Variants in MTMR9 observed in about 807,000 individuals in gnomAD.
MTMR9 encodes myotubularin-related protein 9.
In MTMR9, 39 loss-of-function variants were observed where a neutral mutation model predicts 69.5. That is an observed-to-expected ratio of 0.56 (90% CI 0.43 to 0.73). The LOEUF (loss-of-function observed/expected upper bound fraction) is 0.73, where lower values mean the gene tolerates loss of function less well. Among genes scored for constraint, MTMR9 ranks in the 30% least tolerant of loss-of-function variants. The pLI is 0.00. For synonymous variants in MTMR9, 354 were observed against 240.8 expected (o/e 1.47, Z -4.35); for missense variants, 900 against 671.2 (o/e 1.34, Z -3.77).
At chr8:11,308,435 A>C (rs1800056303) in intron 5 of MTMR9, among the ~76,000 whole-genome samples, 1 of 152,146 alleles carries the variant, frequency 6.6e-6, no homozygotes, top group Non-Finnish European at 1.5e-5. Context: ...TGATTACTTT[A>C]GCTTTGTAGC....
At chr8:11,329,507 G>T (rs1801108168), downstream of MTMR9, among the ~76,000 whole-genome samples, 1 of 152,254 alleles carries the variant, frequency 6.6e-6, no homozygotes, top group Non-Finnish European at 1.5e-5. Context: ...GTGGAGACAG[G>T]GTTTCGCTGT....
intron 9 of MTMR9, chr8:11,321,527 G>A (rs1800690667): frequency 6.6e-6 from 3 of 456,662 alleles, no homozygotes; most frequent in Non-Finnish European, 1.3e-5. Flanking sequence ...GTGATGGGAT[G>A]AAATCCTTGT....
At position 11,293,854 on chromosome 8, in the gene MTMR9, C is replaced by T. The variant is rs555114875; in HGVS notation, c.183-1340C>T. The stretch of plus-strand genomic sequence containing the variant: ...TGAATTGTCTTCGTATCTCTGTTCA[C>T]GTGTAAGTGGATCTATTTCTGGACT... On this transcript the variant is annotated intron_variant, in intron 1 of 9. Transcript: ENST00000221086. Among the ~76,000 whole-genome samples, 8 of 150,950 alleles carry T rather than the reference C, an allele frequency of 5.3e-5. No individual in the cohort carries two copies. The South Asian group carries it at 8.3e-4, about 16-fold the overall frequency.
the MTMR9 span, among the ~76,000 whole-genome samples, chr8:11,339,441 T>C: frequency 9.7e-4 from 148 of 152,370 alleles, no homozygotes; most frequent in Middle Eastern, 6.8e-3. Flanking sequence ...GGCTATTCTA[T>C]AGAACAGGGA....
At chr8:11,335,252 C>G in the MTMR9 span, among the ~76,000 whole-genome samples, 1 of 152,174 alleles carries the variant, frequency 6.6e-6, no homozygotes, top group Non-Finnish European at 1.5e-5. Context: ...TTACAAAATT[C>G]AATTGCTTTC....
intron 1 of MTMR9, among the ~76,000 whole-genome samples, chr8:11,293,875 G>A (rs1434431002): frequency 6.6e-6 from 1 of 151,728 alleles, no homozygotes; most frequent in Non-Finnish European, 1.5e-5. Context: ...ATCTATTTCT[G>A]GACTCTTTTT....
intron 9 of MTMR9, chr8:11,321,210 G>C (rs934344225): frequency 3.1e-6 from 1 of 320,558 alleles, no homozygotes; most frequent in African/African-American, 2.2e-5. Context: ...GGTCTTAGAT[G>C]GTCTTGAGGT....
intron 6 of MTMR9, among the ~76,000 whole-genome samples, chr8:11,310,753 G>A (rs528498742): frequency 2.0e-5 from 3 of 152,068 alleles, no homozygotes; most frequent in East Asian, 1.9e-4. Context: ...TACATTATGA[G>A]TACAGAGGCT....
rs1423749239 is a variant in MTMR9 at position 11,327,501 on chromosome 8, A to G, written c.*4713A>G. 6.6e-6 allele frequency: 1 copy of G among 152,500 alleles called. No individual in the cohort carries two copies. 9.4% of individuals were successfully genotyped at this position (152,500 alleles called of 1,614,324 possible). On this transcript the variant is annotated 3_prime_UTR_variant, in exon 10 of 10. Coordinates refer to ENST00000221086, the MANE Select transcript of MTMR9 (RefSeq NM_015458.4). ...TTTAAAATGCACGTTATCTTTGGAG[A>G]GGTGAATTATTCTACAAAATGCACC...
chr8:11,336,460 C>A, the MTMR9 span, among the ~76,000 whole-genome samples: 1 of 152,220 alleles, frequency 6.6e-6, no homozygotes, highest in South Asian at 2.1e-4. Context: ...AATATAAAAT[C>A]TTCACACTCT....
downstream of MTMR9, chr8:11,331,507 G>T (rs763548928): frequency 6.2e-6 from 10 of 1,613,808 alleles, no homozygotes; most frequent in Non-Finnish European, 8.5e-6. Context: ...GCCACTGTTC[G>T]CAAAGGTTCT....
At chr8:11,336,274 C>T in the MTMR9 span, among the ~76,000 whole-genome samples, 1 of 152,166 alleles carries the variant, frequency 6.6e-6, no homozygotes, top group Non-Finnish European at 1.5e-5. Context: ...TGCATAGCCT[C>T]CATCCCTACC....
At chr8:11,299,140 C>T (rs1799662803) in intron 2 of MTMR9, among the ~76,000 whole-genome samples, 1 of 152,058 alleles carries the variant, frequency 6.6e-6, no homozygotes, top group African/African-American at 2.4e-5. Context: ...CTGGCCTGGC[C>T]AACATGGTGA....
At chr8:11,331,890 C>T (rs748281827), downstream of MTMR9, 9 of 1,611,922 alleles carry the variant, frequency 5.6e-6, no homozygotes, top group East Asian at 1.8e-4. Context: ...AGAGGGGATC[C>T]TCGCCTTGGT....
At position 11,324,118 on chromosome 8, in the gene MTMR9, A is replaced by T. The variant is rs1435759624; in HGVS notation, c.*1330A>T. ...TAATCTTTAAAACCATTTCCATACC[A>T]TCTGTATATAACCATTTCGGTAGAG... On this transcript the variant is annotated 3_prime_UTR_variant, in exon 10 of 10. Coordinates refer to ENST00000221086, the MANE Select transcript of MTMR9 (RefSeq NM_015458.4). The T allele has an allele frequency of 2.6e-5, 4 of 152,120 alleles. No homozygotes were observed. 9.4% of individuals were successfully genotyped at this position (152,120 alleles called of 1,614,324 possible). A position where few individuals can be genotyped will look rare whatever the true frequency, so the allele number is the denominator to read the frequency against.
chr8:11,301,023 T>G lies in MTMR9; in HGVS notation c.417+875T>G, dbSNP rs73665048. On this transcript the variant is annotated intron_variant, in intron 3 of 9. Transcript: ENST00000221086. ...ATCAGATGAGACATCAGTGAATGGGTGGTGCTATGTTCTAATAAACTTTAT... is the reference window on the plus strand; with the variant it reads ...ATCAGATGAGACATCAGTGAATGGGGGGTGCTATGTTCTAATAAACTTTAT... Among the ~76,000 whole-genome samples the G allele has an allele frequency of 1.7e-3, 261 of 152,240 alleles. 1 individual carries two copies. The highest frequency in any genetic ancestry group is 6.1e-3 in the African/African-American group (252 of 41,542).
chr8:11,308,944 C>T (rs1465658750), intron 5 of MTMR9, among the ~76,000 whole-genome samples: 2 of 152,196 alleles, frequency 1.3e-5, no homozygotes, highest in African/African-American at 4.8e-5. Flanking sequence ...AGTTGCTACA[C>T]TGAACAGATT....
chr8:11,316,498 G>A, intron 7 of MTMR9, 175 bp from the exon 8 acceptor site: 1 of 445,664 alleles, frequency 2.2e-6, no homozygotes, highest in Non-Finnish European at 3.9e-6. Flanking sequence ...TTCCTTAGTT[G>A]CTGCCGCTAT....
intron 2 of MTMR9, chr8:11,297,946 C>T (rs753563917): frequency 2.6e-5 from 12 of 456,056 alleles, no homozygotes; most frequent in Non-Finnish European, 4.0e-5. Context: ...CATCTGGACA[C>T]GATTTGTGAG....
Sources: allele counts gnomAD v4.1 joint callset (sites outside exome capture counted in the v4.1 genomes callset), GRCh38; gene constraint gnomAD v4.1.1; transcripts MANE v1.5; gene names NCBI Gene and HGNC (gene_info 2026-07-23, HGNC 2026-07-21).